Variants in STK10 observed in about 807,000 individuals in gnomAD.
STK10 encodes serine/threonine kinase 10, also known as serine/threonine-protein kinase 10.
STK10 carries 78 observed loss-of-function variants against 113.8 expected under a neutral mutation model. That is an observed-to-expected ratio of 0.69 (90% CI 0.57 to 0.83). The LOEUF (loss-of-function observed/expected upper bound fraction) is 0.83, where lower values mean the gene tolerates loss of function less well. Among genes scored for constraint, STK10 ranks in the 40% least tolerant of loss-of-function variants. The pLI, the probability that STK10 is intolerant of heterozygous loss-of-function variation, is 0.00. For missense variants in STK10, 1,109 were observed against 1,280.1 expected (o/e 0.87, Z 2.04); for synonymous variants, 465 against 494.7 (o/e 0.94, Z 0.80).
At chr5:172,148,265 T>C (rs1218140239) in intron 2 of STK10, among the ~76,000 whole-genome samples, 1 of 151,974 alleles carries the variant, frequency 6.6e-6, no homozygotes, top group Non-Finnish European at 1.5e-5. Context: ...TCCCACTCTG[T>C]GCATGATCAA....
chr5:172,131,120 G>A (rs1392874575), intron 2 of STK10, among the ~76,000 whole-genome samples: 6 of 137,724 alleles, frequency 4.4e-5, no homozygotes, highest in South Asian at 2.4e-4. Flanking sequence ...TGCAAGCTCC[G>A]CCTCCCAGGT....
intron 7 of STK10, among the ~76,000 whole-genome samples, chr5:172,099,969 G>A (rs1381639757): frequency 1.3e-5 from 2 of 152,202 alleles, no homozygotes; most frequent in African/African-American, 4.8e-5. Flanking sequence ...AGGAAGGAGG[G>A]CCATGGGGAA....
In STK10 at chr5:172,100,768, C is replaced by T. The variant is rs1446590174; in HGVS notation, c.871-4208G>A. Reference sequence around the variant, plus strand: ...GGCCACTGTACTCCAGCCTGGGCAACACGACGAGACTCCATTTCAAAAAAA... The same window carrying T: ...GGCCACTGTACTCCAGCCTGGGCAATACGACGAGACTCCATTTCAAAAAAA... On this transcript the variant is annotated intron_variant, in intron 7 of 18. Coordinates refer to ENST00000176763, the MANE Select transcript of STK10 (RefSeq NM_005990.4). Among the ~76,000 whole-genome samples the T allele has an allele frequency of 2.0e-5, 3 of 152,282 alleles. No homozygotes were observed. In the East Asian group the frequency reaches 5.8e-4, roughly 29 times the overall value.
rs1457271303 is a variant in STK10, at chr5:172,061,235, G to A, written c.2116C>T (p.Leu706=). 1.2e-6 allele frequency: 2 copies of A among 1,613,238 alleles called. No homozygotes were observed. Among genetic ancestry groups the A allele is most frequent in the Non-Finnish European group, 1.7e-6 (2 of 1,179,944 alleles). Residue 706 remains leucine (L), a synonymous_variant, in exon 14 of 19, where the codon CTG becomes TTG. Transcript: ENST00000176763. ...RDFVAKQKED[L]ELAMKRLTTD... The stretch of plus-strand genomic sequence containing the variant: ...GTGAGCCTCTTCATGGCCAGCTCCA[G>A]GTCCTCCTTCTGCTTGGCTACAAAG...
chr5:172,103,980 T>C (rs1347051492), intron 7 of STK10, among the ~76,000 whole-genome samples: 2 of 152,134 alleles, frequency 1.3e-5, no homozygotes, highest in Non-Finnish European at 2.9e-5. Context: ...TGTCGAACCC[T>C]GGACTTTCCC....
chr5:172,077,266 T>C (rs767566303), intron 12 of STK10, among the ~76,000 whole-genome samples: 21 of 152,242 alleles, frequency 1.4e-4, no homozygotes, highest in Non-Finnish European at 3.1e-4. Context: ...TAGGGATCCT[T>C]CGAGGGTTAC....
In STK10 at chr5:172,090,367, C is replaced by A. The variant is rs771098602; in HGVS notation, c.1555-5G>T. 1.6e-5 allele frequency: 26 copies of A among 1,612,908 alleles called. No individual in the cohort carries two copies. Among genetic ancestry groups the A allele is most frequent in the Non-Finnish European group, 2.2e-5 (26 of 1,179,360 alleles). On this transcript the variant is annotated splice_polypyrimidine_tract_variant and splice_region_variant and intron_variant, in intron 9 of 18. Transcript: ENST00000176763. ...TTTTTTGTACAGTTTCGGGTCCTGG[C>A]CAGGGAAAACCATTAGACAAGTCTC...
chr5:172,125,215 C>T (rs7706554), intron 3 of STK10, among the ~76,000 whole-genome samples: 24,815 of 152,144 alleles, frequency 0.16, 2,194 homozygotes, highest in African/African-American at 0.23. Context: ...TAGTGACCCA[C>T]TGAGGGTTTT....
chr5:172,082,982 T>G lies in STK10; in HGVS notation c.1788A>C (p.Lys596Asn). The change falls in exon 11 of 19, where the codon AAA becomes AAC. Residue 596 changes from lysine to asparagine, a missense_variant. Transcript: ENST00000176763. This position sits in a 1 kb window ranked among gnomAD's most constrained non-coding sequence, Gnocchi z 4.3. Reference sequence around the variant, plus strand: ...TCACGTTGATTTCCTGTTCAAAACGTTTATGCATTTGCTCCAGCTGCAGCT... The same window carrying G: ...TCACGTTGATTTCCTGTTCAAAACGGTTATGCATTTGCTCCAGCTGCAGCT... Reference protein sequence around the residue: ...KHELQLEQMHKRFEQEINAKK... With the variant: ...KHELQLEQMHNRFEQEINAKK... 6.2e-7 allele frequency: 1 copy of G among 1,613,828 alleles called. No individual in the cohort carries two copies. Among genetic ancestry groups the G allele is most frequent in the Non-Finnish European group, 8.5e-7 (1 of 1,180,012 alleles).
chr5:172,054,134 C>T (rs1441048556), intron 17 of STK10, among the ~76,000 whole-genome samples: 1 of 152,144 alleles, frequency 6.6e-6, no homozygotes, highest in Non-Finnish European at 1.5e-5. Context: ...GGGCCAGGAC[C>T]CTCAGGCATG....
chr5:172,128,071 G>A (rs1226071962), intron 2 of STK10, among the ~76,000 whole-genome samples: 1 of 152,052 alleles, frequency 6.6e-6, no homozygotes, highest in Non-Finnish European at 1.5e-5. Flanking sequence ...TGCAGGCCCC[G>A]GGAGAACAAC....
chr5:172,085,870 C>T (rs1374005062), intron 10 of STK10, among the ~76,000 whole-genome samples: 1 of 152,124 alleles, frequency 6.6e-6, no homozygotes, highest in East Asian at 1.9e-4. Context: ...CATGCTGATT[C>T]CCATGAGGCC....
At chr5:172,127,547 T>G in intron 2 of STK10, 126 bp from the exon 3 acceptor site, 2 of 900,778 alleles carry the variant, frequency 2.2e-6, no homozygotes, top group Non-Finnish European at 3.4e-6. Flanking sequence ...TCTCCAGCCC[T>G]TCCTCCTCCT....
chr5:172,057,265 G>C (rs1581133662), intron 15 of STK10, 84 bp downstream of exon 15: 3 of 1,525,730 alleles, frequency 2.0e-6, no homozygotes, highest in Non-Finnish European at 2.6e-6. Flanking sequence ...GTGCACCCAA[G>C]AGGTGCCCCA....
chr5:172,134,029 C>G (rs1277035294), intron 2 of STK10, among the ~76,000 whole-genome samples: 1 of 152,224 alleles, frequency 6.6e-6, no homozygotes, highest in Non-Finnish European at 1.5e-5. Flanking sequence ...TGGTTTCCAA[C>G]AAGTGCTCAG....
chr5:172,104,571 G>A (rs1328677206), intron 7 of STK10, among the ~76,000 whole-genome samples: 2 of 123,490 alleles, frequency 1.6e-5, no homozygotes, highest in African/African-American at 5.5e-5. Context: ...AATGGATGTC[G>A]ATGCTGTGTC....
chr5:172,169,208 C>T (rs892180442), intron 1 of STK10, among the ~76,000 whole-genome samples: 3 of 152,202 alleles, frequency 2.0e-5, no homozygotes, highest in Non-Finnish European at 2.9e-5. Context: ...AGGTTTTCAT[C>T]GCAGACTGCC....
chr5:172,147,485 G>A (rs550732366), intron 2 of STK10, among the ~76,000 whole-genome samples: 7 of 151,898 alleles, frequency 4.6e-5, no homozygotes, highest in Non-Finnish European at 7.4e-5. Context: ...TCTGCCTCCC[G>A]GGTTCACGCC....
At chr5:172,045,403 T>A (rs968494297) in intron 18 of STK10, 4 of 470,242 alleles carry the variant, frequency 8.5e-6, no homozygotes, top group African/African-American at 4.0e-5. Context: ...TGTCAGAAGT[T>A]TTTTTTTTCA....
Sources: gnomAD v4.1 joint callset for allele counts (sites outside exome capture counted in the v4.1 genomes callset) on GRCh38, gnomAD v4.1.1 for gene constraint, Gnocchi (gnomAD v3.1) non-coding constraint, MANE v1.5 for transcripts, NCBI Gene and HGNC (gene_info 2026-07-23, HGNC 2026-07-21) for gene names.